The following GPC6 variants were observed in gnomAD, a reference collection of about 807,000 sequenced individuals.
GPC6 encodes glypican-6.
GPC6 carries 14 observed loss-of-function variants against 55.2 expected under a neutral mutation model. The ratio of observed to expected loss-of-function variants is 0.25; its 90% confidence interval spans 0.17 to 0.40. GPC6 has a LOEUF of 0.40. Among genes scored for constraint, GPC6 ranks in the 10% least tolerant of loss-of-function variants. The pLI is 1.00. For synonymous variants in GPC6, 278 were observed against 259.6 expected, an observed-to-expected ratio of 1.07 and a Z score of -0.68; for missense variants, 641 against 708.5, an observed-to-expected ratio of 0.90 and a Z score of 1.08.
intron 2 of GPC6, among the ~76,000 whole-genome samples, chr13:93,625,646 A>G (rs1352974335): frequency 1.3e-5 from 2 of 152,156 alleles, no homozygotes; most frequent in Admixed American, 1.3e-4. Flanking sequence ...GTTTGGCTGA[A>G]AGATTTTAAA....
At position 93,913,224 on chromosome 13, in the gene GPC6, G is replaced by C. The variant is rs572712314; in HGVS notation, c.711+82679G>C. Among the ~76,000 whole-genome samples the C allele has an allele frequency of 7.4e-4, 112 of 152,320 alleles. 1 individual carries two copies. The highest frequency in any genetic ancestry group is 2.5e-3 in the African/African-American group (106 of 41,584). On this transcript the variant is annotated intron_variant, in intron 3 of 8. Transcript: ENST00000377047. ...TTTTACATGTTTCAGTTATCCTGCTGTATGTCTGCTGTATGTCTCTGCTCT... is the reference window on the plus strand; with the variant it reads ...TTTTACATGTTTCAGTTATCCTGCTCTATGTCTGCTGTATGTCTCTGCTCT...
In GPC6 at chr13:93,871,860, T is replaced by G. The variant is rs548523019; in HGVS notation, c.711+41315T>G. On this transcript the variant is annotated intron_variant, in intron 3 of 8. Coordinates refer to ENST00000377047, the MANE Select transcript of GPC6 (RefSeq NM_005708.5). ...TGATGGAGATTCAAATGTTAGACTT[T>G]TTTTTTACTTATATACTTGAAATTT... Among the ~76,000 whole-genome samples the G allele has an allele frequency of 2.0e-5, 3 of 152,084 alleles. No individual in the cohort carries two copies. In the East Asian group the frequency reaches 5.9e-4, roughly 30 times the overall value.
intron 1 of GPC6, among the ~76,000 whole-genome samples, chr13:93,231,860 A>G (rs1876074574): frequency 6.6e-6 from 1 of 152,128 alleles, no homozygotes. Context: ...AGGTATTTTG[A>G]GAGTTGGGTT....
rs142460834 is a variant in GPC6, at chr13:93,880,802, C to T, written c.711+50257C>T. Reference sequence around the variant, plus strand: ...GAAAAGGTGTACAAATTTATTTAACCGTGTGCATGGGGAGAATCACAGAGT... The same window carrying T: ...GAAAAGGTGTACAAATTTATTTAACTGTGTGCATGGGGAGAATCACAGAGT... On this transcript the variant is annotated intron_variant, in intron 3 of 8. Transcript: ENST00000377047. Among the ~76,000 whole-genome samples the T allele has an allele frequency of 2.9e-3, 441 of 151,112 alleles. 5 individuals carry two copies. Among genetic ancestry groups the T allele is most frequent in the African/African-American group, 1.0e-2 (411 of 41,132 alleles).
chr13:93,900,560 G>A (rs764309043), intron 3 of GPC6, among the ~76,000 whole-genome samples: 12 of 152,072 alleles, frequency 7.9e-5, no homozygotes, highest in Admixed American at 3.3e-4. Flanking sequence ...AAAATAGAAC[G>A]CTGATGAATC....
At chr13:93,231,084 T>G (rs2139000656) in intron 1 of GPC6, among the ~76,000 whole-genome samples, 1 of 151,874 alleles carries the variant, frequency 6.6e-6, no homozygotes, top group South Asian at 2.1e-4. Flanking sequence ...TTCCAATAAC[T>G]TAGTAGATAC....
intron 2 of GPC6, among the ~76,000 whole-genome samples, chr13:93,557,260 C>T (rs529557813): frequency 2.0e-5 from 3 of 152,240 alleles, no homozygotes; most frequent in East Asian, 3.9e-4. Context: ...ATTCCCTCCA[C>T]ACATACTTTA....
At chr13:94,327,680 T>G (rs191306244) in intron 6 of GPC6, among the ~76,000 whole-genome samples, 1 of 150,578 alleles carries the variant, frequency 6.6e-6, no homozygotes, top group East Asian at 2.2e-4. Context: ...AAATATAGAT[T>G]CAAAAGTGAG....
At chr13:93,333,584 G>A (rs1406665273) in intron 1 of GPC6, among the ~76,000 whole-genome samples, 1 of 148,172 alleles carries the variant, frequency 6.7e-6, no homozygotes, top group Non-Finnish European at 1.5e-5. Flanking sequence ...CCAGGCTGGA[G>A]TGCGTTGGTA....
intron 1 of GPC6, among the ~76,000 whole-genome samples, chr13:93,501,419 G>T (rs7332793): frequency 0.87 from 131,734 of 152,112 alleles, 57,598 homozygotes; most frequent in Non-Finnish European, 0.92. Context: ...GGTCCCATAC[G>T]CTTATTTCTA....
intron 6 of GPC6, among the ~76,000 whole-genome samples, chr13:94,319,208 G>C (rs1876696210): frequency 1.3e-5 from 2 of 151,824 alleles, no homozygotes; most frequent in South Asian, 4.2e-4. Context: ...TTCTTTTAGT[G>C]TTTGGAACCT....
chr13:93,538,204 G>A (rs977494500), intron 1 of GPC6, among the ~76,000 whole-genome samples: 1 of 152,122 alleles, frequency 6.6e-6, no homozygotes, highest in Non-Finnish European at 1.5e-5. Context: ...TAACCTTGAT[G>A]TCTAGATACT....
chr13:93,950,041 A>G (rs1366403007), intron 3 of GPC6, among the ~76,000 whole-genome samples: 1 of 152,236 alleles, frequency 6.6e-6, no homozygotes, highest in Admixed American at 6.5e-5. Context: ...TAATGGGTAC[A>G]GAGTTTCTGT....
At chr13:93,855,335 C>T (rs1271839359) in intron 3 of GPC6, among the ~76,000 whole-genome samples, 1 of 151,572 alleles carries the variant, frequency 6.6e-6, no homozygotes, top group African/African-American at 2.4e-5. Context: ...TGAGGTTTCT[C>T]CGTGTCTCTT....
intron 4 of GPC6, among the ~76,000 whole-genome samples, chr13:94,066,779 C>T (rs528516908): frequency 2.6e-5 from 4 of 152,266 alleles, no homozygotes; most frequent in African/African-American, 9.6e-5. Flanking sequence ...AAGGAACACA[C>T]AACTTTATTT....
Position 93,364,139 on chromosome 13 carries a change from T to A in GPC6, c.160+136523T>A, listed in dbSNP as rs545059802. Among the ~76,000 whole-genome samples the A allele has an allele frequency of 1.1e-3, 162 of 152,096 alleles. No homozygotes were observed. In the Middle Eastern group the frequency reaches 0.014, roughly 13 times the overall value. ...TGCTGTGCAGAAGCTCTTTAGTTTATTTAGATCCCATTTGTCAATTTTGGC... is the reference window on the plus strand; with the variant it reads ...TGCTGTGCAGAAGCTCTTTAGTTTAATTAGATCCCATTTGTCAATTTTGGC... On this transcript the variant is annotated intron_variant, in intron 1 of 8. Transcript: ENST00000377047.
intron 4 of GPC6, among the ~76,000 whole-genome samples, chr13:94,053,328 T>C (rs1176569024): frequency 6.6e-6 from 1 of 152,188 alleles, no homozygotes; most frequent in Non-Finnish European, 1.5e-5. Flanking sequence ...CAACCAGAGC[T>C]AAAACTCTGG....
rs186863577 is a variant in GPC6 at position 93,867,087 on chromosome 13, A to G, written c.711+36542A>G. The stretch of plus-strand genomic sequence containing the variant: ...AGATGACTGAAATGTATATCTCAGT[A>G]TGTTGATTTTTTTTTAAGTGAGGCT... On this transcript the variant is annotated intron_variant, in intron 3 of 8. Transcript: ENST00000377047. 2.2e-3 allele frequency among the ~76,000 whole-genome samples: 336 copies of G among 151,562 alleles called. 3 individuals carry two copies. Among genetic ancestry groups the G allele is most frequent in the African/African-American group, 7.9e-3 (327 of 41,390 alleles).
At chr13:94,027,992 C>A in intron 4 of GPC6, 98 bp downstream of exon 4, 1 of 1,087,406 alleles carries the variant, frequency 9.2e-7, no homozygotes. Context: ...AAACCAGACA[C>A]AGTGGTTCAC....
Sources: allele counts gnomAD v4.1 joint callset (sites outside exome capture counted in the v4.1 genomes callset), GRCh38; gene constraint gnomAD v4.1.1; transcripts MANE v1.5; gene names NCBI Gene and HGNC (gene_info 2026-07-23, HGNC 2026-07-21).